Variants in PREP observed in about 807,000 individuals in gnomAD.
PREP encodes the protein prolyl endopeptidase.
PREP carries 29 observed loss-of-function variants against 87.6 expected under a neutral mutation model. The observed-to-expected ratio is 0.33, with a 90% CI of 0.25 to 0.45. PREP has a LOEUF of 0.45. Ranked by LOEUF, PREP falls within the 20% of genes least tolerant of loss-of-function variation. PREP has a pLI of 1.00. For synonymous variants in PREP, 337 were observed against 328.6 expected, an observed-to-expected ratio of 1.03 and a Z score of -0.28; for missense variants, 695 against 886.5, an observed-to-expected ratio of 0.78 and a Z score of 2.74.
chr6:105,307,648 T>G (rs1209363481), intron 10 of PREP, among the ~76,000 whole-genome samples: 1 of 152,258 alleles, frequency 6.6e-6, no homozygotes, highest in East Asian at 1.9e-4. Context: ...AGTCTTGCTC[T>G]GTTGCCCAGG....
chr6:105,370,598 T>G (rs1241431293), intron 5 of PREP, among the ~76,000 whole-genome samples: 1 of 152,182 alleles, frequency 6.6e-6, no homozygotes, highest in African/African-American at 2.4e-5. Flanking sequence ...GTTTTATTCA[T>G]AAGTGCTAAA....
intron 10 of PREP, among the ~76,000 whole-genome samples, chr6:105,304,594 G>T (rs981849752): frequency 3.9e-5 from 6 of 152,042 alleles, no homozygotes; most frequent in Admixed American, 6.6e-5. Flanking sequence ...ATGTGTCCCC[G>T]TTCTAGGCCT....
chr6:105,397,185 C>CCAAAAAAAAAAAAAAAAAAAA (rs775026045), intron 2 of PREP, among the ~76,000 whole-genome samples: 1 of 86,846 alleles, frequency 1.2e-5, no homozygotes, highest in African/African-American at 3.7e-5. Context: ...ACTCTGTCTA[C>CCAAAAAAAAAAAAAAAAAAAA]AAAAAAAAAA....
At chr6:105,402,658 C>T (rs1773466029) in intron 1 of PREP, among the ~76,000 whole-genome samples, 189 bp downstream of exon 1, 1 of 152,162 alleles carries the variant, frequency 6.6e-6, no homozygotes, top group South Asian at 2.1e-4. Context: ...GCAGAGTGAC[C>T]GCCCGCGGGA....
chr6:105,317,852 T>C (rs902523477), intron 10 of PREP, among the ~76,000 whole-genome samples: 1 of 152,252 alleles, frequency 6.6e-6, no homozygotes, highest in African/African-American at 2.4e-5. Flanking sequence ...TCACGCTTCA[T>C]GTTCTAGAAA....
chr6:105,375,584 C>G (rs1158649365), intron 4 of PREP, among the ~76,000 whole-genome samples: 1 of 152,188 alleles, frequency 6.6e-6, no homozygotes, highest in Non-Finnish European at 1.5e-5. Context: ...AAACCTCCAT[C>G]TTCAGGGAAC....
At chr6:105,398,620 AACTGCT>A (rs1360654394) in intron 1 of PREP, among the ~76,000 whole-genome samples, 1 of 152,166 alleles carries the variant, frequency 6.6e-6, no homozygotes, top group African/African-American at 2.4e-5. Flanking sequence ...GAAGAAATAA[AACTGCT>A]TAGTGTAAGT....
At chr6:105,314,334 CT>C (rs1770817628) in intron 10 of PREP, among the ~76,000 whole-genome samples, 1 of 152,152 alleles carries the variant, frequency 6.6e-6, no homozygotes, top group Admixed American at 6.5e-5. Context: ...TGGTTGACTC[CT>C]CCTTTCATGA....
chr6:105,323,513 G>A (rs770565702), intron 10 of PREP, 152 bp downstream of exon 10: 18 of 712,354 alleles, frequency 2.5e-5, no homozygotes, highest in Non-Finnish European at 4.1e-5. Context: ...TGAATCCTGA[G>A]TGTTTGGCTC....
In PREP at chr6:105,277,898, G is replaced by T. The variant is rs747160496; in HGVS notation, c.*246C>A. ...GCCATTTAGCTATTTATCCCAACAT[G>T]CCCTTAAAAAAAACACCAAAAAACC... On this transcript the variant is annotated 3_prime_UTR_variant, in exon 15 of 15. Transcript: ENST00000652536. The T allele has an allele frequency of 3.8e-5, 21 of 547,462 alleles. No individual in the cohort carries two copies. Among genetic ancestry groups the T allele is most frequent in the Non-Finnish European group, 4.2e-5 (13 of 311,534 alleles). The allele number at this position is 547,462 out of a possible 1,614,324, so 33.9% of individuals were successfully genotyped here. A position where few individuals can be genotyped will look rare whatever the true frequency, so the allele number is the denominator to read the frequency against.
chr6:105,371,954 C>G (rs1323110007), intron 5 of PREP, among the ~76,000 whole-genome samples: 1 of 151,474 alleles, frequency 6.6e-6, no homozygotes, highest in African/African-American at 2.4e-5. Context: ...TTTTTGTTTC[C>G]CAGAAGGTGG....
Position 105,322,545 on chromosome 6 carries a change from T to C in PREP, c.1317+1120A>G, listed in dbSNP as rs1771039107. 6.1e-6 allele frequency: 6 copies of C among 986,318 alleles called. No homozygotes were observed. The South Asian group carries it at 1.4e-4, about 23-fold the overall frequency. The allele number at this position is 986,318 out of a possible 1,614,324, so 61.1% of individuals were successfully genotyped here. On this transcript the variant is annotated intron_variant, in intron 10 of 14. Transcript: ENST00000652536. Reference sequence around the variant, plus strand: ...GTTGTACTTTTAAATGCTATTTACATAGATGAAGATTCTGCAAACTTTTTC... The same window carrying C: ...GTTGTACTTTTAAATGCTATTTACACAGATGAAGATTCTGCAAACTTTTTC...
intron 14 of PREP, among the ~76,000 whole-genome samples, chr6:105,279,663 C>T (rs1295861303): frequency 6.6e-6 from 1 of 152,184 alleles, no homozygotes; most frequent in East Asian, 1.9e-4. Context: ...GCTTGAGGAG[C>T]TCCCTGTAGG....
chr6:105,288,134 C>G (rs1355175793), intron 11 of PREP, among the ~76,000 whole-genome samples: 1 of 152,194 alleles, frequency 6.6e-6, no homozygotes, highest in Non-Finnish European at 1.5e-5. Flanking sequence ...ATGACAAACA[C>G]TGAAGAAAGG....
At chr6:105,345,830 TCG>T (rs1562209186) in intron 7 of PREP, among the ~76,000 whole-genome samples, 1 of 152,214 alleles carries the variant, frequency 6.6e-6, no homozygotes, top group Non-Finnish European at 1.5e-5. Flanking sequence ...TCCGTGCTCC[TCG>T]GAAGCTGTTG....
intron 6 of PREP, among the ~76,000 whole-genome samples, chr6:105,355,098 T>TTC (rs1312042191): frequency 6.6e-6 from 1 of 150,950 alleles, no homozygotes; most frequent in African/African-American, 2.4e-5. Flanking sequence ...TGTAGTTTTT[T>TTC]TTTTTTTTTT....
At chr6:105,388,716 ATAATATGTGGTAAAATAGTTAC>A (rs1330094469) in intron 2 of PREP, among the ~76,000 whole-genome samples, 1 of 152,214 alleles carries the variant, frequency 6.6e-6, no homozygotes, top group Non-Finnish European at 1.5e-5. Flanking sequence ...AGAGACTGAG[ATAATATGTGGTAAAATAGTTAC>A]TAAACACATT....
chr6:105,347,343 G>C (rs1771826099), intron 7 of PREP, among the ~76,000 whole-genome samples: 1 of 152,178 alleles, frequency 6.6e-6, no homozygotes, highest in African/African-American at 2.4e-5. Flanking sequence ...GCCCAACACA[G>C]TGCCTGGCAC....
intron 7 of PREP, among the ~76,000 whole-genome samples, chr6:105,337,978 G>A (rs1249187067): frequency 6.6e-6 from 1 of 151,488 alleles, no homozygotes; most frequent in Non-Finnish European, 1.5e-5. Flanking sequence ...AATTCATCTT[G>A]GTGTACATAA....
Sources: gnomAD v4.1 joint callset for allele counts (sites outside exome capture counted in the v4.1 genomes callset) on GRCh38, gnomAD v4.1.1 for gene constraint, MANE v1.5 for transcripts, NCBI Gene and HGNC (gene_info 2026-07-23, HGNC 2026-07-21) for gene names.